Variants in ODAD2 observed in about 807,000 individuals in gnomAD.
ODAD2 encodes the protein outer dynein arm-docking complex subunit 2.
ODAD2 carries 89 observed loss-of-function variants against 106.8 expected under a neutral mutation model. That is an observed-to-expected ratio of 0.83 (90% confidence interval 0.70 to 0.99). The LOEUF is 0.99. Ranked by LOEUF, ODAD2 falls within the 50% of genes least tolerant of loss-of-function variation. The pLI is 0.00. For missense variants in ODAD2, 1,168 were observed against 1,238.5 expected, an observed-to-expected ratio of 0.94 and a Z score of 0.85; for synonymous variants, 404 against 436.2, an observed-to-expected ratio of 0.93 and a Z score of 0.92.
At chr10:27,840,583 A>C (rs1838238670) in intron 19 of ODAD2, among the ~76,000 whole-genome samples, 1 of 152,136 alleles carries the variant, frequency 6.6e-6, no homozygotes, top group Non-Finnish European at 1.5e-5. Context: ...AGATTTTTGA[A>C]CTGAAAATGG....
At chr10:27,948,779 A>T (rs1424103714) in intron 10 of ODAD2, among the ~76,000 whole-genome samples, 694 of 40,170 alleles carry the variant, frequency 0.017, no homozygotes, top group South Asian at 0.023. Context: ...TGGCCTTTGG[A>T]TTTTTTTTTT....
intron 17 of ODAD2, among the ~76,000 whole-genome samples, chr10:27,891,118 G>A (rs1481410152): frequency 6.6e-6 from 1 of 152,054 alleles, no homozygotes; most frequent in Non-Finnish European, 1.5e-5. Flanking sequence ...TGGACCGTTG[G>A]GCAGCTGAAG....
chr10:27,812,276 G>T lies in ODAD2; in HGVS notation c.*236C>A, dbSNP rs1040510273. ...CTCATATTCTTAGAAACTTATCACA[G>T]GTTTATTGGCTTTCCATCTTATCAC... is the stretch of plus-strand genomic sequence containing the variant. On this transcript the variant is annotated 3_prime_UTR_variant, in exon 20 of 20. Coordinates refer to ENST00000305242, the MANE Select transcript of ODAD2 (RefSeq NM_018076.5). 1.2e-5 allele frequency: 6 copies of T among 501,104 alleles called. No individual in the cohort carries two copies. The highest frequency in any genetic ancestry group is 1.2e-4 in the East Asian group (3 of 25,556). The allele number at this position is 501,104 out of a possible 1,614,324, so 31.0% of individuals were successfully genotyped here. A position where few individuals can be genotyped will look rare whatever the true frequency, so the allele number is the denominator to read the frequency against.
chr10:27,889,536 T>C (rs905289575), intron 17 of ODAD2, among the ~76,000 whole-genome samples: 3 of 152,154 alleles, frequency 2.0e-5, no homozygotes, highest in Non-Finnish European at 4.4e-5. Flanking sequence ...CCACTGTCTC[T>C]TAGTCTTATG....
At chr10:27,935,299 T>C (rs1240531683) in intron 15 of ODAD2, 47 bp from the exon 16 acceptor site, 1 of 1,603,214 alleles carries the variant, frequency 6.2e-7, no homozygotes, top group African/African-American at 1.3e-5. Context: ...GTATAAGGTT[T>C]GCTAAAAATT....
At chr10:27,917,549 T>C (rs1457961221) in intron 16 of ODAD2, among the ~76,000 whole-genome samples, 6 of 151,872 alleles carry the variant, frequency 4.0e-5, no homozygotes. Context: ...AAACAGGGAA[T>C]AGACAAAAAT....
At chr10:27,890,886 A>T (rs780677138) in intron 17 of ODAD2, among the ~76,000 whole-genome samples, 3 of 152,000 alleles carry the variant, frequency 2.0e-5, no homozygotes, top group African/African-American at 4.8e-5. Context: ...ATGACAACTG[A>T]CCCCAAACAG....
At chr10:27,989,043 T>C (rs1252518122) in intron 2 of ODAD2, among the ~76,000 whole-genome samples, 8 of 152,240 alleles carry the variant, frequency 5.3e-5, no homozygotes, top group Admixed American at 3.3e-4. Context: ...TCAAGGAACA[T>C]AGGGGCCTCT....
chr10:27,930,257 A>AT (rs1256084403), intron 16 of ODAD2, among the ~76,000 whole-genome samples: 1 of 152,056 alleles, frequency 6.6e-6, no homozygotes, highest in African/African-American at 2.4e-5. Context: ...ACTTTCTATG[A>AT]TTTTGACCAG....
chr10:27,952,472 T>A (rs960024468), intron 10 of ODAD2, among the ~76,000 whole-genome samples: 1 of 152,126 alleles, frequency 6.6e-6, no homozygotes, highest in African/African-American at 2.4e-5. Flanking sequence ...GTGTGCCATG[T>A]GGTTTGCTGC....
At position 27,862,616 on chromosome 10, in the gene ODAD2, CA is replaced by C. The variant is rs1564439981; in HGVS notation, c.2616del (p.Glu874LysfsTer17). ...LCPCIKNAKD[A>X]GEMVRSFVGG... is the part of the protein sequence containing the mutation. ...CCAACAAAGGAACGAACCATTTCCC[CA>C]GCATCCTAGACAAAAATAAAAGTAA... On this transcript the variant is annotated frameshift_variant, in exon 18 of 20. Coordinates refer to ENST00000305242, the MANE Select transcript of ODAD2 (RefSeq NM_018076.5). LOFTEE classifies it high-confidence loss of function. 4.4e-6 allele frequency: 7 copies of C among 1,599,242 alleles called. No individual in the cohort carries two copies. The highest frequency in any genetic ancestry group is 6.0e-6 in the Non-Finnish European group (7 of 1,174,096).
At chr10:27,979,397 G>A (rs1849399969) in intron 7 of ODAD2, among the ~76,000 whole-genome samples, 2 of 150,036 alleles carry the variant, frequency 1.3e-5, no homozygotes, top group Non-Finnish European at 3.0e-5. Flanking sequence ...GTATGCAGAT[G>A]GCATGATCTT....
intron 9 of ODAD2, among the ~76,000 whole-genome samples, chr10:27,962,578 C>T (rs2132862838): frequency 6.6e-6 from 1 of 152,300 alleles, no homozygotes; most frequent in East Asian, 1.9e-4. Context: ...AGGTTCAGGA[C>T]CAAAGAGTTA....
chr10:27,921,697 G>A (rs1844790349), intron 16 of ODAD2, among the ~76,000 whole-genome samples: 1 of 145,896 alleles, frequency 6.9e-6, no homozygotes, highest in Non-Finnish European at 1.5e-5. Flanking sequence ...GACAAACCTA[G>A]CAAAATTATT....
In ODAD2 at chr10:27,980,104, G is replaced by A. The variant is rs560233310; in HGVS notation, c.936+1362C>T. On this transcript the variant is annotated intron_variant, in intron 7 of 19. Transcript: ENST00000305242. Reference sequence around the variant, plus strand: ...AAGGACAATCTCTTCAACAAATTGTGCTGGGAAAACTGAATATCCACATGC... The same window carrying A: ...AAGGACAATCTCTTCAACAAATTGTACTGGGAAAACTGAATATCCACATGC... 2.0e-4 allele frequency among the ~76,000 whole-genome samples: 31 copies of A among 152,210 alleles called. No homozygotes were observed. The South Asian group carries it at 5.8e-3, about 28-fold the overall frequency.
intron 16 of ODAD2, among the ~76,000 whole-genome samples, chr10:27,930,163 T>G (rs979229715): frequency 1.3e-5 from 2 of 152,134 alleles, no homozygotes; most frequent in African/African-American, 4.8e-5. Flanking sequence ...AGGCTTTTTG[T>G]TCAATGATTT....
intron 10 of ODAD2, among the ~76,000 whole-genome samples, chr10:27,953,014 TA>T (rs375053558): frequency 7.7e-4 from 117 of 152,214 alleles, no homozygotes; most frequent in East Asian, 3.5e-3. Flanking sequence ...ATAATTGATA[TA>T]AAAAAATGCA....
rs572612463 is a variant in ODAD2, at chr10:27,877,803, A to G, written c.2611-15181T>C. On this transcript the variant is annotated intron_variant, in intron 17 of 19. Coordinates refer to ENST00000305242, the MANE Select transcript of ODAD2 (RefSeq NM_018076.5). ...AATGGCAAAACCCTTAATAATAACAATGATAGTAAAAATAACAGGCTAAAT... is the reference window on the plus strand; with the variant it reads ...AATGGCAAAACCCTTAATAATAACAGTGATAGTAAAAATAACAGGCTAAAT... 7.2e-5 allele frequency among the ~76,000 whole-genome samples: 11 copies of G among 152,268 alleles called. No individual in the cohort carries two copies. The South Asian group carries it at 2.3e-3, about 32-fold the overall frequency.
At chr10:27,879,566 G>T (rs1841569802) in intron 17 of ODAD2, among the ~76,000 whole-genome samples, 2 of 151,976 alleles carry the variant, frequency 1.3e-5, no homozygotes. Context: ...ACAGTGAGTT[G>T]TACGGATTAG....
Sources: allele counts gnomAD v4.1 joint callset (sites outside exome capture counted in the v4.1 genomes callset), GRCh38; gene constraint gnomAD v4.1.1; transcripts MANE v1.5; gene names NCBI Gene and HGNC (gene_info 2026-07-23, HGNC 2026-07-21).